Variants in GK observed in about 807,000 individuals in gnomAD.
GK encodes glycerol kinase, also known as ATP:glycerol 3-phosphotransferase.
In GK, 9 loss-of-function variants were observed where a neutral mutation model predicts 56.4. That is an observed-to-expected ratio of 0.16 (90% confidence interval 0.10 to 0.28). The LOEUF (loss-of-function observed/expected upper bound fraction) is 0.28. Ranked by LOEUF, GK falls within the 10% of genes least tolerant of loss-of-function variation. The pLI is 1.00. For missense variants in GK, 161 were observed against 431.4 expected (o/e 0.37, Z 5.55); for synonymous variants, 104 against 144.1 (o/e 0.72, Z 1.99).
chrX:30,712,505 A>G (rs1028714221), intron 13 of GK, among the ~76,000 whole-genome samples: 3 of 107,284 alleles, frequency 2.8e-5, no homozygotes, highest in East Asian at 2.9e-4. Context: ...TTTCATTTCT[A>G]TAGTTTTTAT....
intron 7 of GK, 112 bp from the exon 8 acceptor site, chrX:30,696,505 C>A: frequency 1.7e-6 from 1 of 577,503 alleles, no homozygotes; most frequent in South Asian, 2.7e-5. Context: ...ACTCCATGCT[C>A]AAAAACATCC....
chrX:30,687,452 C>T (rs777595990), intron 4 of GK: 75 of 334,058 alleles, frequency 2.2e-4, no homozygotes, highest in Non-Finnish European at 4.0e-4. Context: ...AAGTGATCTA[C>T]CATTTCCTAA....
intron 19 of GK, among the ~76,000 whole-genome samples, chrX:30,724,995 C>T (rs775746589): frequency 9.5e-4 from 105 of 110,238 alleles, no homozygotes; most frequent in African/African-American, 3.3e-3. Flanking sequence ...ATTTTCGTGC[C>T]TCAGCCTCCC....
chrX:30,686,946 T>C (rs1477146749), intron 4 of GK, among the ~76,000 whole-genome samples: 1 of 111,378 alleles, frequency 9.0e-6, no homozygotes, highest in East Asian at 2.8e-4. Flanking sequence ...TTCTATTTTT[T>C]TCCTAATTAC....
chrX:30,661,377 C>A lies in GK; in HGVS notation c.79-4134C>A, dbSNP rs376099344. On this transcript the variant is annotated intron_variant, in intron 1 of 20. Coordinates refer to ENST00000427190, the MANE Select transcript of GK (RefSeq NM_001205019.2). The stretch of plus-strand genomic sequence containing the variant: ...ACCTCCTGAATTAAGAATCTCTCTG[C>A]ACTTGCACTTCACTTCTGTCAATCC... Among the ~76,000 whole-genome samples, 31 of 110,946 alleles carry A rather than the reference C, an allele frequency of 2.8e-4. No homozygotes were observed. In the East Asian group the frequency reaches 8.3e-3, roughly 30 times the overall value.
chrX:30,677,408 T>C lies in GK; in HGVS notation c.293T>C (p.Val98Ala), dbSNP rs749253885. The C allele has an allele frequency of 1.0e-5, 12 of 1,167,687 alleles. No homozygotes were observed. Among genetic ancestry groups the C allele is most frequent in the Non-Finnish European group, 1.4e-5 (12 of 856,607 alleles). The change falls in exon 4 of 21, where the codon GTA becomes GCA. Residue 98 changes from valine (V) to alanine (A), a missense_variant. Transcript: ENST00000427190. ...GTCAGCAACCAGAGGGAAACCACTG[T>C]AGTCTGGGACAAGATAACTGGAGAG... ...IGVSNQRETTVVWDKITGEPL... is the reference protein window; with the variant it reads ...IGVSNQRETTAVWDKITGEPL...
At chrX:30,699,247 T>TTATATATACATGTTATGTATAACATGTTA (rs1935464296) in intron 9 of GK, among the ~76,000 whole-genome samples, 2 of 99,147 alleles carry the variant, frequency 2.0e-5, no homozygotes, top group South Asian at 9.2e-4. Context: ...GTATAACATG[T>TTATATATACATGTTATGTATAACATGTTA]TATATATACA....
chrX:30,725,630 G>C (rs1325092880), intron 19 of GK, among the ~76,000 whole-genome samples: 1 of 111,200 alleles, frequency 9.0e-6, no homozygotes, highest in Non-Finnish European at 1.9e-5. Flanking sequence ...ACTTTAAATG[G>C]CATGTTTAAA....
chrX:30,726,637 T>G lies in GK; in HGVS notation c.1583-829T>G, dbSNP rs184775158. On this transcript the variant is annotated intron_variant, in intron 19 of 20. Coordinates refer to ENST00000427190, the MANE Select transcript of GK (RefSeq NM_001205019.2). ...TGAAAAACACTCTAATATTTAATAT[T>G]TTGGGGGTCTCTAAGCTGTATAATA... Among the ~76,000 whole-genome samples, 273 of 111,787 alleles carry G rather than the reference T, an allele frequency of 2.4e-3. 1 individual carries two copies. The highest frequency in any genetic ancestry group is 4.0e-3 in the Non-Finnish European group (214 of 53,171).
chrX:30,728,579 T>C (rs1425607493), intron 20 of GK, among the ~76,000 whole-genome samples, 153 bp from the exon 21 acceptor site: 2 of 112,295 alleles, frequency 1.8e-5, no homozygotes, highest in Non-Finnish European at 3.8e-5. Flanking sequence ...AATTTTGGAA[T>C]TGGCCCTGTT....
At chrX:30,706,049 G>T (rs925593256) in intron 11 of GK, among the ~76,000 whole-genome samples, 1 of 111,822 alleles carries the variant, frequency 8.9e-6, no homozygotes, top group African/African-American at 3.3e-5. Context: ...AGCTTTTTCA[G>T]TGTGCGGCAA....
chrX:30,699,330 A>G (rs1046042276), intron 9 of GK, among the ~76,000 whole-genome samples: 8 of 100,049 alleles, frequency 8.0e-5, no homozygotes, highest in Admixed American at 1.1e-4. Flanking sequence ...ATATATATAT[A>G]TACACACATA....
At chrX:30,665,704 G>T in intron 2 of GK, 120 bp downstream of exon 2, 1 of 486,621 alleles carries the variant, frequency 2.1e-6, no homozygotes, top group Non-Finnish European at 3.7e-6. Flanking sequence ...CATTTGAAAG[G>T]TTGTTATTAG....
At chrX:30,714,859 G>A (rs189208454) in intron 13 of GK, among the ~76,000 whole-genome samples, 76 of 112,036 alleles carry the variant, frequency 6.8e-4, no homozygotes, top group African/African-American at 2.1e-3. Flanking sequence ...AGCAATAAAT[G>A]CTTTTAATTT....
chrX:30,700,831 C>T lies in GK; in HGVS notation c.784-7C>T, dbSNP rs1328889592. The T allele has an allele frequency of 1.7e-6, 2 of 1,153,460 alleles. No individual in the cohort carries two copies. Among genetic ancestry groups the T allele is most frequent in the Admixed American group, 4.4e-5 (2 of 45,718 alleles). On this transcript the variant is annotated splice_region_variant and splice_polypyrimidine_tract_variant and intron_variant, in intron 10 of 20. Transcript: ENST00000427190. ...TCAGTGTTCTTTATTGTCATTTATA[C>T]TTTCAGTGTTTAGGGGACCAGTCTG...
chrX:30,681,097 A>G (rs1287354848), intron 4 of GK, among the ~76,000 whole-genome samples: 1 of 112,166 alleles, frequency 8.9e-6, no homozygotes, highest in Non-Finnish European at 1.9e-5. Flanking sequence ...TCTATTTAAA[A>G]AAACCATGCA....
At chrX:30,675,320 C>T (rs192270532) in intron 3 of GK, among the ~76,000 whole-genome samples, 448 of 105,741 alleles carry the variant, frequency 4.2e-3, no homozygotes, top group African/African-American at 0.015. Flanking sequence ...CTCAGCCTCC[C>T]GAGTAGCTGG....
At chrX:30,704,149 T>TATATA (rs1429695034) in intron 11 of GK, among the ~76,000 whole-genome samples, 2 of 96,703 alleles carry the variant, frequency 2.1e-5, no homozygotes, top group African/African-American at 8.6e-5. Flanking sequence ...TATATATATA[T>TATATA]GAGATAGGGT....
At chrX:30,725,945 G>C (rs1224475750) in intron 19 of GK, among the ~76,000 whole-genome samples, 2 of 110,432 alleles carry the variant, frequency 1.8e-5, no homozygotes, top group Non-Finnish European at 3.8e-5. Context: ...GAGCCACCGC[G>C]CCTGGCCTTA....
Sources: allele counts gnomAD v4.1 joint callset (sites outside exome capture counted in the v4.1 genomes callset), GRCh38; gene constraint gnomAD v4.1.1; transcripts MANE v1.5; gene names NCBI Gene and HGNC (gene_info 2026-07-23, HGNC 2026-07-21).